Variants in TNS3 observed in about 807,000 individuals in gnomAD.
TNS3 encodes tensin-3.
Under a neutral mutation model 140.9 loss-of-function variants are expected in TNS3, and 45 were observed. That is an observed-to-expected ratio of 0.32 (90% CI 0.25 to 0.41). The LOEUF (loss-of-function observed/expected upper bound fraction) is 0.41. Ranked by LOEUF, TNS3 falls within the 10% of genes least tolerant of loss-of-function variation. The probability of loss-of-function intolerance (pLI) is 1.00; values close to 1 mark genes in which losing one functional copy is unlikely to be tolerated. For missense variants in TNS3, 1,716 were observed against 1,906.7 expected (o/e 0.90, Z 1.86); for synonymous variants, 815 against 788.4 (o/e 1.03, Z -0.56).
chr7:47,382,412 T>A (rs1461027717), intron 16 of TNS3, among the ~76,000 whole-genome samples: 1 of 152,200 alleles, frequency 6.6e-6, no homozygotes, highest in Non-Finnish European at 1.5e-5. Flanking sequence ...CTCAGAACGC[T>A]CTCATTTTCT....
At chr7:47,376,087 G>T (rs1791366828) in intron 16 of TNS3, among the ~76,000 whole-genome samples, 1 of 152,164 alleles carries the variant, frequency 6.6e-6, no homozygotes, top group African/African-American at 2.4e-5. Context: ...ATGAAAGTTG[G>T]TTAGAATTGA....
intron 4 of TNS3, among the ~76,000 whole-genome samples, chr7:47,449,941 A>G (rs565007993): frequency 2.2e-4 from 33 of 152,212 alleles, no homozygotes; most frequent in Non-Finnish European, 4.1e-4. Flanking sequence ...CAACTGCAAG[A>G]AAACAACTAA....
intron 1 of TNS3, among the ~76,000 whole-genome samples, chr7:47,565,709 G>A (rs1368251155): frequency 1.3e-5 from 2 of 152,078 alleles, no homozygotes; most frequent in Non-Finnish European, 2.9e-5. Flanking sequence ...AGTAGGTGGG[G>A]GACAAAGTTA....
chr7:47,523,915 A>G (rs114675491), intron 2 of TNS3, among the ~76,000 whole-genome samples: 129 of 152,288 alleles, frequency 8.5e-4, no homozygotes, highest in African/African-American at 3.1e-3. Flanking sequence ...GCTTCACCAT[A>G]TGGGACTGCT....
At chr7:47,531,048 T>C (rs948270810) in intron 1 of TNS3, among the ~76,000 whole-genome samples, 1 of 151,366 alleles carries the variant, frequency 6.6e-6, no homozygotes, top group Admixed American at 6.6e-5. Context: ...GACAGCAGTA[T>C]AATAGGAAAT....
chr7:47,558,408 C>T (rs1316238797), intron 1 of TNS3, among the ~76,000 whole-genome samples: 2 of 152,116 alleles, frequency 1.3e-5, no homozygotes, highest in Non-Finnish European at 2.9e-5. Context: ...GGTCCCACAC[C>T]CTCCTCCATG....
chr7:47,530,109 A>C (rs1483120675), intron 1 of TNS3, among the ~76,000 whole-genome samples: 1 of 152,254 alleles, frequency 6.6e-6, no homozygotes, highest in African/African-American at 2.4e-5. Context: ...AAGAAAGGTC[A>C]TAACAGCTTT....
chr7:47,494,342 A>C (rs536067796), intron 3 of TNS3, among the ~76,000 whole-genome samples: 5 of 151,912 alleles, frequency 3.3e-5, no homozygotes, highest in Non-Finnish European at 5.9e-5. Flanking sequence ...TTTCTAACCA[A>C]CCTCCTGAGG....
At chr7:47,351,045 CT>C (rs1789639534) in intron 17 of TNS3, among the ~76,000 whole-genome samples, 2 of 152,302 alleles carry the variant, frequency 1.3e-5, no homozygotes, top group East Asian at 3.9e-4. Flanking sequence ...ATGTTTCTAT[CT>C]TTCAGGGTTT....
At chr7:47,577,790 G>T (rs938045819) in intron 1 of TNS3, among the ~76,000 whole-genome samples, 8 of 152,084 alleles carry the variant, frequency 5.3e-5, no homozygotes, top group Non-Finnish European at 1.2e-4. Flanking sequence ...GAGAGCTGGC[G>T]GGCTGTTTGC....
intron 4 of TNS3, among the ~76,000 whole-genome samples, chr7:47,475,314 C>T (rs1344352313): frequency 6.6e-6 from 1 of 152,238 alleles, no homozygotes; most frequent in African/African-American, 2.4e-5. Context: ...AGCCACTATT[C>T]TTACCCAACC....
At chr7:47,358,647 T>C (rs1170947002) in intron 17 of TNS3, among the ~76,000 whole-genome samples, 1 of 152,284 alleles carries the variant, frequency 6.6e-6, no homozygotes. Flanking sequence ...TCGGCAGCCT[T>C]GGGTGCACAG....
At chr7:47,481,655 G>A (rs1285015590) in intron 3 of TNS3, 1 of 985,060 alleles carries the variant, frequency 1.0e-6, no homozygotes, top group African/African-American at 1.7e-5. Flanking sequence ...ATGTCAACCT[G>A]GTTATTCCAT....
intron 20 of TNS3, among the ~76,000 whole-genome samples, chr7:47,310,584 T>G (rs1418379230): frequency 6.6e-6 from 1 of 151,916 alleles, no homozygotes; most frequent in African/African-American, 2.4e-5. Flanking sequence ...ACATGACAAA[T>G]GAAAACCAAG....
chr7:47,366,341 C>G (rs1301811558), intron 17 of TNS3, among the ~76,000 whole-genome samples: 1 of 152,222 alleles, frequency 6.6e-6, no homozygotes, highest in African/African-American at 2.4e-5. Flanking sequence ...ACTCCCAGCA[C>G]ATGACATACA....
At chr7:47,490,320 A>C (rs1797763956) in intron 3 of TNS3, among the ~76,000 whole-genome samples, 1 of 152,234 alleles carries the variant, frequency 6.6e-6, no homozygotes, top group Admixed American at 6.5e-5. Context: ...AGTAATTTAC[A>C]TTTTAATTCA....
At chr7:47,570,631 A>T (rs1338312961) in intron 1 of TNS3, among the ~76,000 whole-genome samples, 1 of 152,188 alleles carries the variant, frequency 6.6e-6, no homozygotes, top group Non-Finnish European at 1.5e-5. Context: ...GTAAGCAATC[A>T]CTTCTAGAAT....
At chr7:47,393,843 T>G (rs146120805) in intron 16 of TNS3, among the ~76,000 whole-genome samples, 186 of 152,298 alleles carry the variant, frequency 1.2e-3, no homozygotes, top group African/African-American at 4.3e-3. Flanking sequence ...TCCTTCCCAC[T>G]CTGCCCTGTC....
At chr7:47,522,794 G>T (rs184232350) in intron 2 of TNS3, among the ~76,000 whole-genome samples, 35 of 152,194 alleles carry the variant, frequency 2.3e-4, no homozygotes, top group Admixed American at 1.7e-3. Context: ...CGGGTGTGGT[G>T]GCGGGCGCCT....
Sources: allele counts gnomAD v4.1 joint callset (sites outside exome capture counted in the v4.1 genomes callset), GRCh38; gene constraint gnomAD v4.1.1; transcripts MANE v1.5; gene names NCBI Gene and HGNC (gene_info 2026-07-23, HGNC 2026-07-21).